Variants in CACNA2D1 observed in about 807,000 individuals in gnomAD.
The protein encoded by CACNA2D1 is calcium voltage-gated channel auxiliary subunit alpha2delta 1, also known as voltage-dependent calcium channel subunit alpha-2/delta-1.
CACNA2D1 carries 53 observed loss-of-function variants against 171.5 expected under a neutral mutation model. The observed-to-expected ratio is 0.31, with a 90% CI of 0.25 to 0.39. The LOEUF (loss-of-function observed/expected upper bound fraction) is 0.39. Among genes scored for constraint, CACNA2D1 ranks in the 10% least tolerant of loss-of-function variants. CACNA2D1 has a pLI of 1.00. For synonymous variants in CACNA2D1, 442 were observed against 443.1 expected (o/e 1.00, Z 0.03); for missense variants, 903 against 1,299.8 (o/e 0.69, Z 4.69).
At chr7:82,232,155 A>C (rs1431453856) in intron 3 of CACNA2D1, among the ~76,000 whole-genome samples, 2 of 152,178 alleles carry the variant, frequency 1.3e-5, no homozygotes, top group Non-Finnish European at 2.9e-5. Flanking sequence ...ATTGTTTTTA[A>C]AACAAATTTA....
At chr7:82,148,834 AC>A (rs1054366514) in intron 4 of CACNA2D1, among the ~76,000 whole-genome samples, 21 of 151,918 alleles carry the variant, frequency 1.4e-4, no homozygotes, top group African/African-American at 4.8e-4. Flanking sequence ...GCAGGGTTTC[AC>A]CATGTTGGCC....
chr7:82,060,590 A>C, intron 9 of CACNA2D1, 63 bp from the exon 10 acceptor site: 1 of 973,782 alleles, frequency 1.0e-6, no homozygotes. Context: ...GAACATCATA[A>C]GGAAAGATAA....
At chr7:81,962,266 A>G (rs962807078) in intron 35 of CACNA2D1, among the ~76,000 whole-genome samples, 174 bp downstream of exon 35, 3 of 152,010 alleles carry the variant, frequency 2.0e-5, no homozygotes, top group African/African-American at 7.2e-5. Context: ...TGACCTAGGT[A>G]ATTTCTAAAA....
At chr7:82,233,037 A>C (rs1803144681) in intron 3 of CACNA2D1, among the ~76,000 whole-genome samples, 1 of 152,066 alleles carries the variant, frequency 6.6e-6, no homozygotes, top group Non-Finnish European at 1.5e-5. Flanking sequence ...AACGTTGAAA[A>C]TCAGCTAGCA....
rs578189929 is a variant in CACNA2D1, at chr7:82,132,607, T to C, written c.396+4028A>G. On this transcript the variant is annotated intron_variant, in intron 5 of 38. Coordinates refer to ENST00000356860, the MANE Select transcript of CACNA2D1 (RefSeq NM_000722.4). Reference sequence around the variant, plus strand: ...AGAATCATGGATATTGGAACACCGATCTTGGAGCACAACATGGAAGAGCTA... The same window carrying C: ...AGAATCATGGATATTGGAACACCGACCTTGGAGCACAACATGGAAGAGCTA... Among the ~76,000 whole-genome samples, 318 of 152,166 alleles carry C rather than the reference T, an allele frequency of 2.1e-3. 1 individual carries two copies. Among genetic ancestry groups the C allele is most frequent in the African/African-American group, 7.0e-3 (292 of 41,510 alleles).
At chr7:82,322,127 A>C (rs1253002968) in intron 3 of CACNA2D1, among the ~76,000 whole-genome samples, 1 of 28,134 alleles carries the variant, frequency 3.6e-5, no homozygotes, top group Admixed American at 3.6e-4. Flanking sequence ...CTCCGTCTCA[A>C]AAAAAAAAAA....
intron 3 of CACNA2D1, among the ~76,000 whole-genome samples, chr7:82,226,977 A>G (rs1219222835): frequency 6.6e-6 from 1 of 152,224 alleles, no homozygotes; most frequent in East Asian, 1.9e-4. Context: ...ACAAGGACAA[A>G]CAATGATTTT....
intron 3 of CACNA2D1, among the ~76,000 whole-genome samples, chr7:82,180,678 A>G (rs895802204): frequency 1.3e-5 from 2 of 152,122 alleles, no homozygotes; most frequent in African/African-American, 4.8e-5. Context: ...GTCCTATGGG[A>G]CGGGTAAGAT....
At chr7:82,310,475 T>C (rs901808874) in intron 3 of CACNA2D1, among the ~76,000 whole-genome samples, 54 of 151,948 alleles carry the variant, frequency 3.6e-4, no homozygotes, top group Admixed American at 2.6e-4. Context: ...TTTTATGCGG[T>C]TAAATGGATA....
intron 21 of CACNA2D1, among the ~76,000 whole-genome samples, chr7:81,988,586 A>G (rs1488235727): frequency 6.6e-6 from 1 of 152,158 alleles, no homozygotes; most frequent in Non-Finnish European, 1.5e-5. Flanking sequence ...TGAGTTCACC[A>G]CAGCCTACAT....
rs148834794 is a variant in CACNA2D1 at position 82,249,060 on chromosome 7, G to T, written c.295-78451C>A. Among the ~76,000 whole-genome samples, 340 of 151,278 alleles carry T rather than the reference G, an allele frequency of 2.2e-3. 2 individuals carry two copies. Among genetic ancestry groups the T allele is most frequent in the African/African-American group, 8.1e-3 (332 of 41,174 alleles). On this transcript the variant is annotated intron_variant, in intron 3 of 38. Transcript: ENST00000356860. Reference sequence around the variant, plus strand: ...TAACCTGGAAAGCGGAGTTTGCAGTGAGCTGAGATCGCGCCACTGCACTCC... The same window carrying T: ...TAACCTGGAAAGCGGAGTTTGCAGTTAGCTGAGATCGCGCCACTGCACTCC...
At chr7:82,288,189 G>T (rs1811077778) in intron 3 of CACNA2D1, among the ~76,000 whole-genome samples, 1 of 151,834 alleles carries the variant, frequency 6.6e-6, no homozygotes, top group Non-Finnish European at 1.5e-5. Flanking sequence ...AAACTTTCCT[G>T]CAATTCTCTT....
chr7:82,109,715 T>C (rs4732424), intron 6 of CACNA2D1, among the ~76,000 whole-genome samples: 42,924 of 152,106 alleles, frequency 0.28, 6,531 homozygotes, highest in African/African-American at 0.4. Flanking sequence ...TTGTTCTGTT[T>C]TATTCATCTT....
At chr7:82,040,933 C>T (rs1041961042) in intron 10 of CACNA2D1, among the ~76,000 whole-genome samples, 19 of 152,036 alleles carry the variant, frequency 1.2e-4, no homozygotes, top group Admixed American at 1.2e-3. Context: ...CAAGATCACG[C>T]CATTGCACTC....
intron 3 of CACNA2D1, among the ~76,000 whole-genome samples, chr7:82,334,293 G>A (rs1318737530): frequency 2.0e-5 from 3 of 152,080 alleles, no homozygotes; most frequent in Non-Finnish European, 2.9e-5. Context: ...AGCTGACTGC[G>A]AATACCCTAC....
intron 10 of CACNA2D1, among the ~76,000 whole-genome samples, chr7:82,060,073 G>T (rs28441098): frequency 1.1e-5 from 1 of 87,446 alleles, no homozygotes; most frequent in African/African-American, 4.2e-5. Flanking sequence ...GTGCAGCACA[G>T]CAACATGGCA....
intron 7 of CACNA2D1, among the ~76,000 whole-genome samples, chr7:82,072,482 C>G (rs1299361306): frequency 6.6e-6 from 1 of 151,422 alleles, no homozygotes; most frequent in Non-Finnish European, 1.5e-5. Context: ...CTAGTGAGTC[C>G]CAAATACATG....
At chr7:82,166,132 C>A (rs937519645) in intron 4 of CACNA2D1, among the ~76,000 whole-genome samples, 1 of 151,844 alleles carries the variant, frequency 6.6e-6, no homozygotes, top group African/African-American at 2.4e-5. Flanking sequence ...TACATAATGC[C>A]GGTGCCTATT....
chr7:81,996,275 CTT>C (rs1798033077), intron 19 of CACNA2D1, among the ~76,000 whole-genome samples: 1 of 152,154 alleles, frequency 6.6e-6, no homozygotes, highest in Non-Finnish European at 1.5e-5. Flanking sequence ...CTTTATCCTA[CTT>C]TATTATGTCA....
Sources: gnomAD v4.1 joint callset for allele counts (sites outside exome capture counted in the v4.1 genomes callset) on GRCh38, gnomAD v4.1.1 for gene constraint, MANE v1.5 for transcripts, NCBI Gene and HGNC (gene_info 2026-07-23, HGNC 2026-07-21) for gene names.